Variants in ERBB4 observed in about 807,000 individuals in gnomAD.
ERBB4 encodes erb-b2 receptor tyrosine kinase 4.
ERBB4 carries 42 observed loss-of-function variants against 158.0 expected under a neutral mutation model. The observed-to-expected ratio is 0.27, with a 90% confidence interval of 0.21 to 0.34. The LOEUF (loss-of-function observed/expected upper bound fraction) is 0.34. ERBB4 is among the 10% of genes least tolerant of loss of function. ERBB4 has a pLI of 1.00. For missense variants in ERBB4, 1,333 were observed against 1,624.1 expected, an observed-to-expected ratio of 0.82 and a Z score of 3.08; for synonymous variants, 583 against 558.7, an observed-to-expected ratio of 1.04 and a Z score of -0.61.
At position 211,533,424 on chromosome 2, in the gene ERBB4, T is replaced by C. The variant is rs529239043; in HGVS notation, c.2487+28479A>G. On this transcript the variant is annotated intron_variant, in intron 20 of 27. Coordinates refer to ENST00000342788, the MANE Select transcript of ERBB4 (RefSeq NM_005235.3). ...AGCACTATACCTAATAGAGCTCGTA[T>C]GTCTTTAAAGAAATGGATATTCATA... Among the ~76,000 whole-genome samples the C allele has an allele frequency of 2.3e-4, 35 of 152,180 alleles. 1 individual carries two copies. In the South Asian group the frequency reaches 6.4e-3, roughly 28 times the overall value.
chr2:211,749,885 C>T (rs2075077727), intron 5 of ERBB4, among the ~76,000 whole-genome samples: 1 of 151,932 alleles, frequency 6.6e-6, no homozygotes, highest in Non-Finnish European at 1.5e-5. Context: ...TTTATTGCAG[C>T]AGGAAGAATG....
chr2:211,691,759 G>A (rs1174535804), intron 12 of ERBB4, among the ~76,000 whole-genome samples: 1 of 151,940 alleles, frequency 6.6e-6, no homozygotes, highest in Non-Finnish European at 1.5e-5. Flanking sequence ...GGGGAAAGGG[G>A]CAATTGTAAC....
At chr2:212,243,734 C>T (rs1046741990) in intron 1 of ERBB4, among the ~76,000 whole-genome samples, 2 of 151,800 alleles carry the variant, frequency 1.3e-5, no homozygotes, top group Non-Finnish European at 2.9e-5. Context: ...AGAATTAGGG[C>T]AAAAATTACA....
chr2:211,660,769 G>A (rs2105907313), intron 15 of ERBB4, among the ~76,000 whole-genome samples: 1 of 152,288 alleles, frequency 6.6e-6, no homozygotes, highest in East Asian at 1.9e-4. Context: ...GCTGAAGATG[G>A]AAACCCAAGG....
intron 25 of ERBB4, among the ~76,000 whole-genome samples, chr2:211,413,305 T>TCTTAAAAAAAAAAAA (rs2063304050): frequency 1.8e-5 from 1 of 56,936 alleles, no homozygotes; most frequent in Admixed American, 1.8e-4. Flanking sequence ...GACCCTGTCT[T>TCTTAAAAAAAAAAAA]AAAAACACAC....
intron 20 of ERBB4, among the ~76,000 whole-genome samples, chr2:211,435,286 GAGA>G (rs2063825107): frequency 1.3e-5 from 2 of 152,266 alleles, no homozygotes; most frequent in South Asian, 2.1e-4. Flanking sequence ...AGTAAATTAG[GAGA>G]AGAATAATAC....
intron 2 of ERBB4, among the ~76,000 whole-genome samples, chr2:211,974,891 T>C (rs1419372917): frequency 6.6e-6 from 1 of 152,214 alleles, no homozygotes; most frequent in African/African-American, 2.4e-5. Flanking sequence ...CATGCATTCA[T>C]GGGATCCCTC....
chr2:211,512,424 C>T (rs2065904609), intron 20 of ERBB4, among the ~76,000 whole-genome samples: 1 of 145,456 alleles, frequency 6.9e-6, no homozygotes, highest in Non-Finnish European at 1.5e-5. Flanking sequence ...GTTTATTATT[C>T]CAAAGAACAA....
chr2:211,659,720 T>G (rs2071347661), intron 15 of ERBB4, among the ~76,000 whole-genome samples: 1 of 152,294 alleles, frequency 6.6e-6, no homozygotes, highest in Non-Finnish European at 1.5e-5. Flanking sequence ...GTGTTACATG[T>G]CTACTAAGTG....
In ERBB4 at chr2:211,654,993, T is replaced by C. The variant is rs112885708; in HGVS notation, c.1946+2761A>G. ...GCAAAAGGATTGAGAATTCCAATCA[T>C]GCTTTTGTTTAAATTTTGAAAATAT... On this transcript the variant is annotated intron_variant, in intron 16 of 27. Coordinates refer to ENST00000342788, the MANE Select transcript of ERBB4 (RefSeq NM_005235.3). Among the ~76,000 whole-genome samples the C allele has an allele frequency of 5.4e-3, 826 of 152,302 alleles. 10 individuals are homozygous for C. The highest frequency in any genetic ancestry group is 0.019 in the African/African-American group (771 of 41,568).
intron 20 of ERBB4, among the ~76,000 whole-genome samples, chr2:211,502,040 G>A (rs2065629382): frequency 6.6e-6 from 1 of 152,044 alleles, no homozygotes; most frequent in Admixed American, 6.5e-5. Context: ...TGTAAAATTT[G>A]TTTTGGATCC....
At chr2:212,481,459 A>G (rs1313048429) in intron 1 of ERBB4, among the ~76,000 whole-genome samples, 2 of 152,208 alleles carry the variant, frequency 1.3e-5, no homozygotes, top group African/African-American at 4.8e-5. Flanking sequence ...ATTCTAGTAG[A>G]ACATTTCTTT....
intron 1 of ERBB4, among the ~76,000 whole-genome samples, chr2:212,213,061 G>C (rs1405631462): frequency 1.3e-5 from 2 of 152,018 alleles, no homozygotes; most frequent in African/African-American, 4.8e-5. Context: ...AGCCAAAATT[G>C]ACAAATGGGA....
intron 4 of ERBB4, among the ~76,000 whole-genome samples, chr2:211,765,661 C>T (rs2075534741): frequency 6.6e-6 from 1 of 152,102 alleles, no homozygotes; most frequent in South Asian, 2.1e-4. Context: ...TTGTTTATTC[C>T]ACTAAGAATG....
intron 20 of ERBB4, among the ~76,000 whole-genome samples, chr2:211,529,091 G>T (rs2066426682): frequency 6.8e-6 from 1 of 146,378 alleles, no homozygotes; most frequent in Non-Finnish European, 1.5e-5. Context: ...AAACAAAATT[G>T]AAAAACCATT....
intron 2 of ERBB4, among the ~76,000 whole-genome samples, chr2:211,961,509 G>T (rs1392870390): frequency 6.6e-6 from 1 of 152,152 alleles, no homozygotes; most frequent in East Asian, 1.9e-4. Flanking sequence ...GTGCCATTGA[G>T]TCTTGTGTCT....
At chr2:212,025,187 G>A (rs1019832462) in intron 2 of ERBB4, among the ~76,000 whole-genome samples, 1 of 151,734 alleles carries the variant, frequency 6.6e-6, no homozygotes, top group African/African-American at 2.4e-5. Flanking sequence ...AGTAGAATGA[G>A]GAGGGCATTT....
chr2:212,272,536 T>G (rs2085380683), intron 1 of ERBB4, among the ~76,000 whole-genome samples: 1 of 151,760 alleles, frequency 6.6e-6, no homozygotes, highest in Admixed American at 6.6e-5. Flanking sequence ...ATCTGTTCCA[T>G]ATGAAGTAGC....
intron 3 of ERBB4, among the ~76,000 whole-genome samples, chr2:211,913,706 G>A (rs1291612903): frequency 1.3e-5 from 2 of 150,482 alleles, no homozygotes; most frequent in Non-Finnish European, 3.0e-5. Context: ...GAGAGAGAGA[G>A]CAATAAAATT....
Sources: allele counts gnomAD v4.1 joint callset (sites outside exome capture counted in the v4.1 genomes callset), GRCh38; gene constraint gnomAD v4.1.1; transcripts MANE v1.5; gene names NCBI Gene and HGNC (gene_info 2026-07-23, HGNC 2026-07-21).